The following PPP2R2B variants were observed in gnomAD, a reference collection of about 807,000 sequenced individuals.
PPP2R2B encodes the protein protein phosphatase 2 regulatory subunit Bbeta.
In PPP2R2B, 5 loss-of-function variants were observed where a neutral mutation model predicts 46.0. The observed-to-expected ratio is 0.11, with a 90% CI of 0.06 to 0.23. The LOEUF is 0.23. PPP2R2B is among the 10% of genes least tolerant of loss of function. The pLI is 1.00. For missense variants in PPP2R2B, 367 were observed against 575.0 expected, an observed-to-expected ratio of 0.64 and a Z score of 3.70; for synonymous variants, 215 against 206.7, an observed-to-expected ratio of 1.04 and a Z score of -0.34.
chr5:146,933,049 G>A (rs1276342467), intron 1 of PPP2R2B, among the ~76,000 whole-genome samples: 4 of 152,188 alleles, frequency 2.6e-5, no homozygotes, highest in African/African-American at 9.7e-5. Flanking sequence ...TATATCATAT[G>A]CTGTTTTAAT....
chr5:147,010,909 A>G (rs1301787024), intron 1 of PPP2R2B, among the ~76,000 whole-genome samples: 1 of 152,044 alleles, frequency 6.6e-6, no homozygotes, highest in Admixed American at 6.6e-5. Flanking sequence ...CATTGCTCTC[A>G]TCCCTGCTCA....
At chr5:147,015,050 T>C (rs966559427) in intron 1 of PPP2R2B, among the ~76,000 whole-genome samples, 3 of 152,120 alleles carry the variant, frequency 2.0e-5, no homozygotes, top group Non-Finnish European at 4.4e-5. Flanking sequence ...TTAACCTGTA[T>C]ATAGCAGGTA....
intron 2 of PPP2R2B, among the ~76,000 whole-genome samples, chr5:146,708,640 G>A (rs1780037155): frequency 6.6e-6 from 1 of 152,158 alleles, no homozygotes. Flanking sequence ...GAGCTTGTAA[G>A]AGTTAAAAAT....
At chr5:146,728,979 T>A (rs1375874815) in intron 2 of PPP2R2B, among the ~76,000 whole-genome samples, 1 of 152,086 alleles carries the variant, frequency 6.6e-6, no homozygotes, top group African/African-American at 2.4e-5. Context: ...CCCCAAAATG[T>A]GGAAGCAACT....
At chr5:146,655,909 G>A (rs1776297062) in intron 5 of PPP2R2B, among the ~76,000 whole-genome samples, 1 of 138,464 alleles carries the variant, frequency 7.2e-6, no homozygotes, top group Non-Finnish European at 1.6e-5. Flanking sequence ...GAGGTGGGGG[G>A]TAGGGAGGGG....
chr5:146,650,487 A>T, intron 6 of PPP2R2B, 60 bp downstream of exon 6: 1 of 1,494,130 alleles, frequency 6.7e-7, no homozygotes, highest in Non-Finnish European at 9.1e-7. Flanking sequence ...CTCCCAGCCC[A>T]CTCGCACCTG....
intron 1 of PPP2R2B, among the ~76,000 whole-genome samples, chr5:146,893,828 T>C (rs779830272): frequency 2.6e-5 from 4 of 150,954 alleles, no homozygotes; most frequent in Non-Finnish European, 5.9e-5. Context: ...CAAGTATACT[T>C]ATTTAACAAA....
At chr5:146,594,515 T>A (rs1486990608) in intron 8 of PPP2R2B, among the ~76,000 whole-genome samples, 1 of 152,216 alleles carries the variant, frequency 6.6e-6, no homozygotes, top group African/African-American at 2.4e-5. Flanking sequence ...GCATACCCAA[T>A]ATGCTGGCTT....
At chr5:146,915,977 G>C (rs1402152993) in intron 1 of PPP2R2B, among the ~76,000 whole-genome samples, 1 of 152,160 alleles carries the variant, frequency 6.6e-6, no homozygotes, top group Non-Finnish European at 1.5e-5. Flanking sequence ...CATGTTTTTA[G>C]AAACCGGACT....
intron 1 of PPP2R2B, among the ~76,000 whole-genome samples, chr5:147,030,293 A>G (rs972438420): frequency 1.8e-4 from 27 of 152,278 alleles, no homozygotes; most frequent in African/African-American, 6.0e-4. Flanking sequence ...GTTTTTTATT[A>G]TCATGTGAAG....
intron 7 of PPP2R2B, 44 bp downstream of exon 7, chr5:146,638,207 G>T: frequency 6.3e-7 from 1 of 1,584,862 alleles, no homozygotes; most frequent in Non-Finnish European, 8.6e-7. Flanking sequence ...CAGCACATTG[G>T]GGCCAGTGGC....
At chr5:146,638,523 G>A (rs1273629033) in intron 6 of PPP2R2B, 108 bp from the exon 7 acceptor site, 2 of 1,060,682 alleles carry the variant, frequency 1.9e-6, no homozygotes, top group Non-Finnish European at 2.7e-6. Flanking sequence ...GTCAACATTT[G>A]CTATGCACAT....
chr5:146,773,605 A>G (rs545197920), intron 2 of PPP2R2B, among the ~76,000 whole-genome samples: 1 of 152,344 alleles, frequency 6.6e-6, no homozygotes, highest in African/African-American at 2.4e-5. Flanking sequence ...AGTGGATTGG[A>G]TGATACAGAG....
chr5:146,951,728 T>G (rs1582485207), intron 1 of PPP2R2B, among the ~76,000 whole-genome samples: 1 of 152,246 alleles, frequency 6.6e-6, no homozygotes, highest in Middle Eastern at 3.4e-3. Flanking sequence ...GCATGGTATA[T>G]AGGTACCACA....
rs114063718 is a variant in PPP2R2B at position 146,724,788 on chromosome 5, A to G, written c.71-23646T>C. Among the ~76,000 whole-genome samples the G allele has an allele frequency of 9.0e-3, 1,370 of 152,262 alleles. 27 individuals carry two copies. The highest frequency in any genetic ancestry group is 0.032 in the African/African-American group (1,317 of 41,552). On this transcript the variant is annotated intron_variant, in intron 2 of 9. Coordinates refer to ENST00000394411, the MANE Select transcript of PPP2R2B (RefSeq NM_181675.4). ...CAAAATGGTATACAAAAGCAAGTCT[A>G]TCTGGGAGTTACATGCAAACACATT...
At chr5:146,977,993 C>G (rs1752996582) in intron 1 of PPP2R2B, among the ~76,000 whole-genome samples, 1 of 152,202 alleles carries the variant, frequency 6.6e-6, no homozygotes, top group African/African-American at 2.4e-5. Context: ...CTCCCACCAA[C>G]AGTGTAAAAG....
chr5:146,609,247 G>T (rs1433353215), intron 7 of PPP2R2B, among the ~76,000 whole-genome samples: 1 of 152,130 alleles, frequency 6.6e-6, no homozygotes, highest in Admixed American at 6.5e-5. Context: ...CTAGTATCAC[G>T]CTGAATGGGG....
chr5:146,775,213 T>G (rs1755111685), intron 2 of PPP2R2B, among the ~76,000 whole-genome samples: 1 of 152,152 alleles, frequency 6.6e-6, no homozygotes, highest in African/African-American at 2.4e-5. Context: ...AACTAACACA[T>G]TTTATGAATA....
intron 1 of PPP2R2B, among the ~76,000 whole-genome samples, chr5:146,917,665 C>T (rs1763441647): frequency 2.0e-5 from 3 of 152,220 alleles, no homozygotes; most frequent in East Asian, 1.9e-4. Flanking sequence ...GTATCTTCTG[C>T]CTCCCAGTTA....
Sources: allele counts gnomAD v4.1 joint callset (sites outside exome capture counted in the v4.1 genomes callset), GRCh38; gene constraint gnomAD v4.1.1; transcripts MANE v1.5; gene names NCBI Gene and HGNC (gene_info 2026-07-23, HGNC 2026-07-21).